The following SBF2 variants were observed in gnomAD, a reference collection of about 807,000 sequenced individuals.
The protein encoded by SBF2 is SET binding factor 2.
Under a neutral mutation model 225.2 loss-of-function variants are expected in SBF2, and 112 were observed. That is an observed-to-expected ratio of 0.50 (90% CI 0.43 to 0.58). SBF2 has a LOEUF of 0.58. Among genes scored for constraint, SBF2 ranks in the 20% least tolerant of loss-of-function variants. SBF2 has a pLI of 0.00. For missense variants in SBF2, 1,996 were observed against 2,206.2 expected (o/e 0.90, Z 1.91); for synonymous variants, 763 against 773.3 (o/e 0.99, Z 0.22).
intron 2 of SBF2, among the ~76,000 whole-genome samples, chr11:10,098,679 GCACACACACACA>G (rs56244507): frequency 3.9e-3 from 517 of 130,898 alleles, no homozygotes; most frequent in African/African-American, 0.014. Flanking sequence ...GACAAAAAAT[GCACACACACACA>G]CACACACACA....
At chr11:9,823,613 A>G (rs1229383986) in intron 28 of SBF2, among the ~76,000 whole-genome samples, 1 of 152,168 alleles carries the variant, frequency 6.6e-6, no homozygotes, top group Non-Finnish European at 1.5e-5. Context: ...GGTACAAGGA[A>G]ATGAATTACT....
chr11:10,237,080 G>T (rs1444084603), intron 1 of SBF2, among the ~76,000 whole-genome samples: 1 of 152,136 alleles, frequency 6.6e-6, no homozygotes, highest in East Asian at 1.9e-4. Flanking sequence ...AAAGGAATGT[G>T]GAACAAAAAC....
intron 2 of SBF2, among the ~76,000 whole-genome samples, chr11:10,146,824 G>C (rs1954909321): frequency 2.0e-5 from 3 of 152,198 alleles, no homozygotes; most frequent in South Asian, 4.1e-4. Context: ...GCTATGTATT[G>C]ACAAAGGTCT....
At chr11:9,889,352 C>T (rs1860606452) in intron 17 of SBF2, among the ~76,000 whole-genome samples, 1 of 152,130 alleles carries the variant, frequency 6.6e-6, no homozygotes, top group South Asian at 2.1e-4. Context: ...CATGGGCTTT[C>T]ATATTTTGAA....
At position 9,943,213 on chromosome 11, in the gene SBF2, A is replaced by G. The variant is rs531149791; in HGVS notation, c.1860+18744T>C. On this transcript the variant is annotated intron_variant, in intron 16 of 39. Transcript: ENST00000256190. ...AAAATTAACTGGATCTCTACCTCACACAATTCACAAAAATCAATTTCAGAT... is the reference window on the plus strand; with the variant it reads ...AAAATTAACTGGATCTCTACCTCACGCAATTCACAAAAATCAATTTCAGAT... 2.6e-5 allele frequency among the ~76,000 whole-genome samples: 4 copies of G among 152,334 alleles called. No individual in the cohort carries two copies. The South Asian group carries it at 8.3e-4, about 32-fold the overall frequency.
chr11:9,893,883 C>T (rs190706393), intron 17 of SBF2, among the ~76,000 whole-genome samples: 2 of 152,296 alleles, frequency 1.3e-5, no homozygotes, highest in African/African-American at 4.8e-5. Flanking sequence ...ATATTTTATT[C>T]CTGCATTCTT....
At chr11:9,903,328 A>G (rs1025732992) in intron 16 of SBF2, among the ~76,000 whole-genome samples, 1 of 152,212 alleles carries the variant, frequency 6.6e-6, no homozygotes, top group Non-Finnish European at 1.5e-5. Flanking sequence ...TCTCAAAAAA[A>G]AAGAAAAAGA....
At chr11:10,103,012 T>C (rs914713725) in intron 2 of SBF2, among the ~76,000 whole-genome samples, 4 of 152,192 alleles carry the variant, frequency 2.6e-5, no homozygotes, top group African/African-American at 9.6e-5. Flanking sequence ...TGCTTGCCTT[T>C]TGAGTAAACT....
chr11:10,164,398 G>A (rs1272968121), intron 2 of SBF2, among the ~76,000 whole-genome samples: 1 of 152,018 alleles, frequency 6.6e-6, no homozygotes, highest in African/African-American at 2.4e-5. Context: ...AACACAAATT[G>A]GATAGGCAAA....
At chr11:10,183,088 T>C (rs1412660513) in intron 2 of SBF2, among the ~76,000 whole-genome samples, 1 of 152,170 alleles carries the variant, frequency 6.6e-6, no homozygotes, top group Non-Finnish European at 1.5e-5. Flanking sequence ...CTATGCTTTG[T>C]GGAGACAGGG....
At chr11:9,885,503 T>G (rs939232846) in intron 17 of SBF2, among the ~76,000 whole-genome samples, 5 of 152,148 alleles carry the variant, frequency 3.3e-5, no homozygotes, top group Non-Finnish European at 5.9e-5. Context: ...CTTTTCTTCT[T>G]CAAGTTTTAC....
At chr11:10,198,843 T>G (rs937169644) in intron 1 of SBF2, among the ~76,000 whole-genome samples, 10 of 152,212 alleles carry the variant, frequency 6.6e-5, no homozygotes, top group African/African-American at 2.4e-4. Context: ...GCTTCAAACT[T>G]CTTTTGCAAC....
At chr11:10,171,282 T>C (rs538104880) in intron 2 of SBF2, among the ~76,000 whole-genome samples, 4 of 152,320 alleles carry the variant, frequency 2.6e-5, no homozygotes, top group Non-Finnish European at 4.4e-5. Context: ...GAATCTGTTG[T>C]ATATAGCTTT....
At chr11:10,237,985 G>A (rs773599570) in intron 1 of SBF2, among the ~76,000 whole-genome samples, 14 of 152,176 alleles carry the variant, frequency 9.2e-5, no homozygotes, top group Non-Finnish European at 1.6e-4. Flanking sequence ...TACAAATAAA[G>A]CTACTACGAA....
At position 9,951,476 on chromosome 11, in the gene SBF2, G is replaced by A. The variant is rs75063839; in HGVS notation, c.1860+10481C>T. Among the ~76,000 whole-genome samples the A allele has an allele frequency of 9.5e-3, 1,451 of 152,292 alleles. 13 individuals carry two copies. Among genetic ancestry groups the A allele is most frequent in the African/African-American group, 0.034 (1,400 of 41,554 alleles). On this transcript the variant is annotated intron_variant, in intron 16 of 39. Transcript: ENST00000256190. ...TGAGATTTGGAAGGCAGAAGCAAGA[G>A]ATGGTAATGCAGATGAGTAAGACTG...
chr11:10,108,685 C>G (rs978856276), intron 2 of SBF2, among the ~76,000 whole-genome samples: 6 of 151,316 alleles, frequency 4.0e-5, no homozygotes, highest in African/African-American at 1.5e-4. Flanking sequence ...CCACCACGCC[C>G]GGCTAATTTT....
chr11:10,137,674 CTT>C (rs1444396334), intron 2 of SBF2, among the ~76,000 whole-genome samples: 3 of 151,748 alleles, frequency 2.0e-5, no homozygotes, highest in African/African-American at 7.3e-5. Flanking sequence ...CCTTTTTTGT[CTT>C]TGTCTGCTTT....
intron 6 of SBF2, among the ~76,000 whole-genome samples, chr11:10,007,282 T>C (rs1359628718): frequency 6.6e-6 from 1 of 152,046 alleles, no homozygotes; most frequent in Non-Finnish European, 1.5e-5. Flanking sequence ...TCTCATCTAT[T>C]CTCTCTTCAC....
intron 16 of SBF2, among the ~76,000 whole-genome samples, chr11:9,949,254 T>TA (rs1865727526): frequency 6.6e-6 from 1 of 152,180 alleles, no homozygotes; most frequent in Non-Finnish European, 1.5e-5. Flanking sequence ...ATCTTATTAG[T>TA]AAAAATAGTT....
Sources: allele counts gnomAD v4.1 joint callset (sites outside exome capture counted in the v4.1 genomes callset), GRCh38; gene constraint gnomAD v4.1.1; transcripts MANE v1.5; gene names NCBI Gene and HGNC (gene_info 2026-07-23, HGNC 2026-07-21).